ATP4B: variants seen among roughly 807,000 people sequenced by gnomAD.
The protein encoded by ATP4B is potassium-transporting ATPase subunit beta.
In ATP4B, 27 loss-of-function variants were observed where a neutral mutation model predicts 35.3. That is an observed-to-expected ratio of 0.76 (90% CI 0.56 to 1.05). The LOEUF (loss-of-function observed/expected upper bound fraction) is 1.05. ATP4B is among the 50% of genes least tolerant of loss of function. ATP4B has a pLI of 0.00. For synonymous variants in ATP4B, 162 were observed against 156.0 expected, an observed-to-expected ratio of 1.04 and a Z score of -0.29; for missense variants, 375 against 384.8, an observed-to-expected ratio of 0.97 and a Z score of 0.21.
intron 5 of ATP4B, among the ~76,000 whole-genome samples, chr13:113,651,231 C>A (rs113398552): frequency 2.0e-4 from 30 of 152,202 alleles, no homozygotes; most frequent in Non-Finnish European, 3.4e-4. Flanking sequence ...ACTTAAAAAG[C>A]AGTTTTGAAA....
Position 113,650,213 on chromosome 13 carries a change from T to C in ATP4B, c.714+193A>G, listed in dbSNP as rs1038856700. Among the ~76,000 whole-genome samples the C allele has an allele frequency of 1.3e-5, 2 of 151,906 alleles. No homozygotes were observed. Among genetic ancestry groups the C allele is most frequent in the African/African-American group, 4.8e-5 (2 of 41,344 alleles). On this transcript the variant is annotated intron_variant, in intron 6 of 6. Transcript: ENST00000335288. The surrounding 1 kb of genome is among the most constrained non-coding windows in gnomAD (Gnocchi z 5.0). ...GAAGAGTTAGAGTTGTATTTTCATG[T>C]TGCGTGAGAGGAATGTTTCCAGGTA...
At chr13:113,657,096 T>C (rs1238399431) in intron 1 of ATP4B, among the ~76,000 whole-genome samples, 2 of 152,176 alleles carry the variant, frequency 1.3e-5, no homozygotes, top group East Asian at 1.9e-4. Flanking sequence ...TCACCAGCAC[T>C]GTGGTGAGTG....
At chr13:113,654,986 T>TA in intron 1 of ATP4B, 44 bp from the exon 2 acceptor site, 1 of 1,611,274 alleles carries the variant, frequency 6.2e-7, no homozygotes. Flanking sequence ...TCAGCCATTT[T>TA]AACGCACACA....
intron 1 of ATP4B, among the ~76,000 whole-genome samples, chr13:113,655,685 G>T (rs113982979): frequency 7.2e-5 from 11 of 152,254 alleles, no homozygotes; most frequent in Admixed American, 2.0e-4. Context: ...GGGAGACACC[G>T]GCAGGAAGAG....
At chr13:113,651,073 G>A (rs1445541629) in intron 5 of ATP4B, among the ~76,000 whole-genome samples, 4 of 151,996 alleles carry the variant, frequency 2.6e-5, no homozygotes, top group Non-Finnish European at 5.9e-5. Context: ...TGGAGGCTTC[G>A]AGGGAAGTGA....
At chr13:113,652,606 G>A in intron 4 of ATP4B, 1 of 524,642 alleles carries the variant, frequency 1.9e-6, no homozygotes, top group East Asian at 3.6e-5. Context: ...AGGGGGCCCT[G>A]GCCTTGCAGA....
chr13:113,657,609 G>A lies in ATP4B; in HGVS notation c.112+424C>T, dbSNP rs954998534. Among the ~76,000 whole-genome samples, 8 of 152,368 alleles carry A rather than the reference G, an allele frequency of 5.3e-5. No homozygotes were observed. The East Asian group carries it at 7.7e-4, about 15-fold the overall frequency. ...GCATCTGGACGCCAGCGGGTGTCCC[G>A]GAAAGGGGCTGGCAGCCGCGTCTCG... On this transcript the variant is annotated intron_variant, in intron 1 of 6. Coordinates refer to ENST00000335288, the MANE Select transcript of ATP4B (RefSeq NM_000705.4).
In ATP4B at chr13:113,649,371, G is replaced by A. The variant is rs200664781; in HGVS notation, c.*3C>T. The A allele has an allele frequency of 3.1e-5, 50 of 1,591,606 alleles. No individual in the cohort carries two copies. In the East Asian group the frequency reaches 4.8e-4, roughly 15 times the overall value. On this transcript the variant is annotated 3_prime_UTR_variant, in exon 7 of 7. Transcript: ENST00000335288. The surrounding 1 kb of genome is among the most constrained non-coding windows in gnomAD (Gnocchi z 4.7). The stretch of plus-strand genomic sequence containing the variant: ...CGTGCCCAGGACCCCTGCGCAAACC[G>A]TTTCACTTCTCAATCTTGAGTTTGA...
intron 4 of ATP4B, 158 bp downstream of exon 4, chr13:113,652,715 G>C (rs1188664689): frequency 2.5e-6 from 2 of 791,136 alleles, no homozygotes; most frequent in East Asian, 2.7e-5. Flanking sequence ...ACACGGGACA[G>C]GTGCGTGCCA....
At position 113,654,942 on chromosome 13, in the gene ATP4B, A is replaced by G; in HGVS notation, c.113T>C (p.Val38Ala). The G allele has an allele frequency of 6.2e-7, 1 of 1,613,782 alleles. No homozygotes were observed. Among genetic ancestry groups the G allele is most frequent in the Non-Finnish European group, 8.5e-7 (1 of 1,179,874 alleles). The change falls in exon 2 of 7, where the codon GTG becomes GCG. Residue 38 changes from valine (V) to alanine (A), a missense_variant and splice_region_variant. Val to Ala is a moderately conservative substitution (Grantham distance 64). Coordinates refer to ENST00000335288, the MANE Select transcript of ATP4B (RefSeq NM_000705.4). ...GGCCACGTAGTACAGGCTGATCCAC[A>G]CTGCGACACAAGGCAGGCACAAAAT... is the stretch of plus-strand genomic sequence containing the variant. The part of the protein sequence containing the change: ...QMLGRTLSRW[V>A]WISLYYVAFY...
At position 113,654,851 on chromosome 13, in the gene ATP4B, C is replaced by T. The variant is rs564574837; in HGVS notation, c.204G>A (p.Pro68=). ...CLYVLMQTVD[P]YTPDYQDQLR... ...GCTGGTCTTGGTAGTCCGGTGTGTACGGGTCCACTGTCTGCATCAGCACAT... is the reference window on the plus strand; with the variant it reads ...GCTGGTCTTGGTAGTCCGGTGTGTATGGGTCCACTGTCTGCATCAGCACAT... Residue 68 remains proline (P), a synonymous_variant, in exon 2 of 7, where the codon CCG becomes CCA. Coordinates refer to ENST00000335288, the MANE Select transcript of ATP4B (RefSeq NM_000705.4). The T allele has an allele frequency of 1.6e-4, 251 of 1,614,062 alleles. 3 individuals carry two copies. In the South Asian group the frequency reaches 2.2e-3, roughly 14 times the overall value.
At chr13:113,654,687 G>T (rs1473705497) in intron 2 of ATP4B, 127 bp downstream of exon 2, 1 of 1,420,556 alleles carries the variant, frequency 7.0e-7, no homozygotes, top group African/African-American at 1.4e-5. Context: ...CTCACCCTGG[G>T]GCTGCCGGGC....
intron 4 of ATP4B, 114 bp downstream of exon 4, chr13:113,652,759 T>C: frequency 8.0e-7 from 1 of 1,253,622 alleles, no homozygotes. Flanking sequence ...CTGGAGTCCC[T>C]GTCCCGCTTG....
rs770523181 is a variant in ATP4B, at chr13:113,653,449, C to A, written c.242-15G>T. The A allele has an allele frequency of 1.2e-6, 2 of 1,606,228 alleles. No homozygotes were observed. Among genetic ancestry groups the A allele is most frequent in the Non-Finnish European group, 1.7e-6 (2 of 1,172,842 alleles). On this transcript the variant is annotated splice_polypyrimidine_tract_variant and intron_variant, in intron 2 of 6. Coordinates refer to ENST00000335288, the MANE Select transcript of ATP4B (RefSeq NM_000705.4). The stretch of plus-strand genomic sequence containing the variant: ...TAAGGTTACCCCTGGAGAGAGAGAC[C>A]TTTGTGCTTAGCGTCTCCAAATGCT...
In ATP4B at chr13:113,650,640, C is replaced by T; in HGVS notation, c.613-133G>A. ...CATAAACACTTTATTGCATACTTAG[C>T]ATAAATCAGATGCAATCTTTCTAAT... On this transcript the variant is annotated intron_variant, in intron 5 of 6. Coordinates refer to ENST00000335288, the MANE Select transcript of ATP4B (RefSeq NM_000705.4). This position sits in a 1 kb window ranked among gnomAD's most constrained non-coding sequence, Gnocchi z 5.0. 3.2e-6 allele frequency: 2 copies of T among 619,962 alleles called. No homozygotes were observed. The highest frequency in any genetic ancestry group is 5.6e-6 in the Non-Finnish European group (2 of 358,020). The allele number at this position is 619,962 out of a possible 1,614,324, so 38.4% of individuals were successfully genotyped here.
intron 4 of ATP4B, 134 bp from the exon 5 acceptor site, chr13:113,651,861 G>A (rs1338315798): frequency 9.4e-6 from 10 of 1,069,064 alleles, no homozygotes; most frequent in Non-Finnish European, 1.3e-5. Flanking sequence ...AGGGCCCTTG[G>A]TCTGGTTTGC....
At chr13:113,657,278 C>A (rs922621726) in intron 1 of ATP4B, among the ~76,000 whole-genome samples, 4 of 152,240 alleles carry the variant, frequency 2.6e-5, no homozygotes, top group Non-Finnish European at 5.9e-5. Flanking sequence ...CGGCACCAGG[C>A]CAGCCAGTTC....
chr13:113,654,722 G>A, intron 2 of ATP4B, 92 bp downstream of exon 2: 2 of 1,493,964 alleles, frequency 1.3e-6, no homozygotes, highest in African/African-American at 1.4e-5. Flanking sequence ...TTCATTTCTG[G>A]GGAGGGCACG....
At position 113,650,341 on chromosome 13, in the gene ATP4B, C is replaced by T; in HGVS notation, c.714+65G>A. ...TCTACATGAAGGGGCTTATTGCTTT[C>T]CTTTCGCTAAGTGTGAGAGGACTCA... is the stretch of plus-strand genomic sequence containing the variant. On this transcript the variant is annotated intron_variant, in intron 6 of 6. Coordinates refer to ENST00000335288, the MANE Select transcript of ATP4B (RefSeq NM_000705.4). The surrounding 1 kb of genome is among the most constrained non-coding windows in gnomAD (Gnocchi z 5.0). 6.8e-7 allele frequency: 1 copy of T among 1,478,782 alleles called. No homozygotes were observed. The highest frequency in any genetic ancestry group is 1.1e-5 in the South Asian group (1 of 87,348). 91.6% of individuals were successfully genotyped at this position (1,478,782 alleles called of 1,614,324 possible).
Sources: allele counts gnomAD v4.1 joint callset (sites outside exome capture counted in the v4.1 genomes callset), GRCh38; gene constraint gnomAD v4.1.1; non-coding constraint Gnocchi (gnomAD v3.1); transcripts MANE v1.5; gene names NCBI Gene and HGNC (gene_info 2026-07-23, HGNC 2026-07-21).